The following EDAR variants were observed in gnomAD, a reference collection of about 807,000 sequenced individuals.
EDAR encodes ectodysplasin A receptor, also known as tumor necrosis factor receptor superfamily member EDAR.
Under a neutral mutation model 51.3 loss-of-function variants are expected in EDAR, and 38 were observed. That is an observed-to-expected ratio of 0.74 (90% CI 0.57 to 0.97). The LOEUF is 0.97. Among genes scored for constraint, EDAR ranks in the 50% least tolerant of loss-of-function variants. The pLI, the probability that EDAR is intolerant of heterozygous loss-of-function variation, is 0.00. For synonymous variants in EDAR, 227 were observed against 242.1 expected, an observed-to-expected ratio of 0.94 and a Z score of 0.58; for missense variants, 528 against 595.0, an observed-to-expected ratio of 0.89 and a Z score of 1.17.
At chr2:108,919,761 C>T (rs759448678) in intron 5 of EDAR, among the ~76,000 whole-genome samples, 2 of 152,164 alleles carry the variant, frequency 1.3e-5, no homozygotes, top group African/African-American at 2.4e-5. Flanking sequence ...CAGTGTAGGT[C>T]AGCGAGGCTC....
chr2:108,932,882 T>TA (rs1697398144), intron 1 of EDAR, among the ~76,000 whole-genome samples: 1 of 152,216 alleles, frequency 6.6e-6, no homozygotes, highest in African/African-American at 2.4e-5. Context: ...ACTAATCAGT[T>TA]AACTGGCTGC....
rs182604682 is a variant in EDAR at position 108,949,220 on chromosome 2, G to A, written c.-18-18188C>T. Among the ~76,000 whole-genome samples, 332 of 152,234 alleles carry A rather than the reference G, an allele frequency of 2.2e-3. 4 individuals are homozygous for A. Among genetic ancestry groups the A allele is most frequent in the South Asian group, 4.2e-3 (20 of 4,810 alleles). On this transcript the variant is annotated intron_variant, in intron 1 of 11. Coordinates refer to ENST00000258443, the MANE Select transcript of EDAR (RefSeq NM_022336.4). ...TGGTGGTGTACTCCTGAGCTCAAGT[G>A]TTCCACCTGCCTTGCCCTCCCAAAG...
At chr2:108,927,812 C>T (rs1041250227) in intron 4 of EDAR, among the ~76,000 whole-genome samples, 1 of 152,156 alleles carries the variant, frequency 6.6e-6, no homozygotes, top group Admixed American at 6.5e-5. Flanking sequence ...ACCTCCCCAC[C>T]AAGCACCCTC....
intron 5 of EDAR, 127 bp from the exon 6 acceptor site, chr2:108,912,891 T>C: frequency 2.6e-6 from 2 of 755,150 alleles, no homozygotes; most frequent in Non-Finnish European, 4.6e-6. Flanking sequence ...TGAGGGGAGC[T>C]AAATATTTGT....
At position 108,896,683 on chromosome 2, in the gene EDAR, G is replaced by A; in HGVS notation, c.*224C>T. On this transcript the variant is annotated 3_prime_UTR_variant, in exon 12 of 12. Coordinates refer to ENST00000258443, the MANE Select transcript of EDAR (RefSeq NM_022336.4). ...AGTGAGTAGATATTTACTCTGCCTG[G>A]TGAGGTACAGGCGAGCATCTGAAAG... The A allele has an allele frequency of 1.7e-6, 1 of 572,748 alleles. No individual in the cohort carries two copies. Among genetic ancestry groups the A allele is most frequent in the Non-Finnish European group, 3.1e-6 (1 of 321,480 alleles). 35.5% of individuals were successfully genotyped at this position (572,748 alleles called of 1,614,324 possible).
intron 1 of EDAR, among the ~76,000 whole-genome samples, chr2:108,954,176 T>C (rs1697877372): frequency 6.6e-6 from 1 of 152,158 alleles, no homozygotes; most frequent in African/African-American, 2.4e-5. Flanking sequence ...GCAACCTAGA[T>C]AGCATAGATG....
Position 108,910,442 on chromosome 2 carries a change from CT to C in EDAR, c.803+17del. 6.2e-7 allele frequency: 1 copy of C among 1,608,176 alleles called. No individual in the cohort carries two copies. Among genetic ancestry groups the C allele is most frequent in the South Asian group, 1.1e-5 (1 of 90,560 alleles). ...ACAGGACCCCAGCTTCAGCTTGGTG[CT>C]GGGGGCTTCCACATACCTCTTGGTG... is the stretch of plus-strand genomic sequence containing the variant. On this transcript the variant is annotated intron_variant, in intron 9 of 11. Coordinates refer to ENST00000258443, the MANE Select transcript of EDAR (RefSeq NM_022336.4).
chr2:108,920,917 T>C (rs1484670539), intron 5 of EDAR, among the ~76,000 whole-genome samples: 1 of 152,116 alleles, frequency 6.6e-6, no homozygotes, highest in African/African-American at 2.4e-5. Flanking sequence ...CATGAGGCTC[T>C]GGGAGGTGAG....
chr2:108,962,137 G>A (rs945465864), intron 1 of EDAR, among the ~76,000 whole-genome samples: 1 of 152,144 alleles, frequency 6.6e-6, no homozygotes, highest in African/African-American at 2.4e-5. Context: ...AGCATGTGGC[G>A]CCCTGTCTAG....
intron 4 of EDAR, among the ~76,000 whole-genome samples, chr2:108,925,133 G>A (rs1441908182): frequency 1.3e-5 from 2 of 152,224 alleles, no homozygotes; most frequent in South Asian, 2.1e-4. Flanking sequence ...CCTTGTTCAC[G>A]TCTATTGGTC....
intron 2 of EDAR, 63 bp downstream of exon 2, chr2:108,930,901 A>G (rs2105448609): frequency 6.3e-7 from 1 of 1,576,518 alleles, no homozygotes; most frequent in East Asian, 2.2e-5. Context: ...GAAGAGGCCA[A>G]GAAACAGTCC....
Position 108,907,927 on chromosome 2 carries a change from T to A in EDAR, c.896A>T (p.Glu299Val). 1 of 1,613,600 alleles carries A rather than the reference T, an allele frequency of 6.2e-7. No individual in the cohort carries two copies. The highest frequency in any genetic ancestry group is 2.2e-5 in the East Asian group (1 of 44,848). Residue 299 changes from glutamate (E) to valine (V), a missense_variant, in exon 10 of 12, where the codon GAG (glutamate) becomes GTG (valine). Glu to Val is a moderately radical substitution (Grantham distance 121, BLOSUM62 -2). Transcript: ENST00000258443. ...GTGAACCAGCGACAGCAGGCACAGC[T>A]CCGGGGAGCCCTGCTTGTCAGGGGC... ...EPAPDKQGSPELCLLSLVHLA... is the reference protein window; with the variant it reads ...EPAPDKQGSPVLCLLSLVHLA...
At chr2:108,975,280 C>T (rs2104454473) in intron 1 of EDAR, among the ~76,000 whole-genome samples, 2 of 152,342 alleles carry the variant, frequency 1.3e-5, no homozygotes, top group African/African-American at 4.8e-5. Flanking sequence ...AGTAAATCCC[C>T]TGCCGGCCAC....
intron 1 of EDAR, among the ~76,000 whole-genome samples, chr2:108,938,786 T>TTC (rs1697525854): frequency 6.1e-5 from 8 of 130,792 alleles, no homozygotes; most frequent in Non-Finnish European, 9.6e-5. Context: ...TAGGACTTCT[T>TTC]CCCCCCCCGC....
rs3789738 is a variant in EDAR, at chr2:108,897,330, A to T, written c.1025-101T>A. The T allele has an allele frequency of 0.78, 946,031 of 1,216,424 alleles. 374,998 individuals are homozygous for T. Among genetic ancestry groups the T allele is most frequent in the East Asian group, 0.86 (33,377 of 38,798 alleles). The allele number at this position is 1,216,424 out of a possible 1,614,324, so 75.4% of individuals were successfully genotyped here. A position where few individuals can be genotyped will look rare whatever the true frequency, so the allele number is the denominator to read the frequency against. ...ATGAAATAAAAATTATTTGAAAAAA[A>T]TTTTTTTAAAATTATAAAACATGCA... On this transcript the variant is annotated intron_variant, in intron 11 of 11. Transcript: ENST00000258443.
intron 1 of EDAR, among the ~76,000 whole-genome samples, chr2:108,975,565 C>G (rs1698308450): frequency 6.6e-6 from 1 of 152,160 alleles, no homozygotes; most frequent in African/African-American, 2.4e-5. Context: ...GTAGGCTCAG[C>G]TCATTCCTAC....
intron 5 of EDAR, among the ~76,000 whole-genome samples, chr2:108,915,513 G>A (rs1574375766): frequency 6.6e-6 from 1 of 152,172 alleles, no homozygotes; most frequent in African/African-American, 2.4e-5. Flanking sequence ...GATGATGAAT[G>A]GAGGCTTTTT....
At chr2:108,910,668 T>A in intron 8 of EDAR, 108 bp downstream of exon 8, 1 of 1,435,660 alleles carries the variant, frequency 7.0e-7, no homozygotes, top group Non-Finnish European at 9.8e-7. Context: ...AAGCACAGTA[T>A]GGTTCAGCAT....
chr2:108,919,542 G>GA (rs1471956632), intron 5 of EDAR, among the ~76,000 whole-genome samples: 1 of 152,146 alleles, frequency 6.6e-6, no homozygotes, highest in African/African-American at 2.4e-5. Flanking sequence ...ATTTTTAGTA[G>GA]AGACGGGTTT....
Sources: gnomAD v4.1 joint callset for allele counts (sites outside exome capture counted in the v4.1 genomes callset) on GRCh38, gnomAD v4.1.1 for gene constraint, MANE v1.5 for transcripts, NCBI Gene and HGNC (gene_info 2026-07-23, HGNC 2026-07-21) for gene names.